Variants in NCAM2 observed in about 807,000 individuals in gnomAD.
The protein encoded by NCAM2 is N-CAM-2.
NCAM2 carries 30 observed loss-of-function variants against 98.1 expected under a neutral mutation model. That is an observed-to-expected ratio of 0.31 (90% CI 0.23 to 0.41). The LOEUF (loss-of-function observed/expected upper bound fraction) is 0.41, where lower values mean the gene tolerates loss of function less well. Among genes scored for constraint, NCAM2 ranks in the 10% least tolerant of loss-of-function variants. The pLI is 1.00. For missense variants in NCAM2, 867 were observed against 1,005.8 expected (o/e 0.86, Z 1.87); for synonymous variants, 368 against 342.4 (o/e 1.07, Z -0.83).
At chr21:21,277,960 G>A (rs1010308902) in intron 1 of NCAM2, among the ~76,000 whole-genome samples, 3 of 152,082 alleles carry the variant, frequency 2.0e-5, no homozygotes, top group African/African-American at 4.8e-5. Flanking sequence ...ACAGTGAACC[G>A]TGAGCAAATT....
chr21:21,540,278 T>C lies in NCAM2; in HGVS notation c.*2321T>C, dbSNP rs534048529. On this transcript the variant is annotated 3_prime_UTR_variant, in exon 18 of 18. Coordinates refer to ENST00000400546, the MANE Select transcript of NCAM2 (RefSeq NM_004540.5). Reference sequence around the variant, plus strand: ...TCATATATATATACACATATATATATATACACATATATATACATATATATA... The same window carrying C: ...TCATATATATATACACATATATATACATACACATATATATACATATATATA... 1 of 114,390 alleles carries C rather than the reference T, an allele frequency of 8.7e-6. No individual in the cohort carries two copies. The highest frequency in any genetic ancestry group is 1.9e-5 in the Non-Finnish European group (1 of 53,074). 7.1% of individuals were successfully genotyped at this position (114,390 alleles called of 1,614,324 possible). A position where few individuals can be genotyped will look rare whatever the true frequency, so the allele number is the denominator to read the frequency against.
At chr21:21,309,137 T>A (rs1448631086) in intron 5 of NCAM2, among the ~76,000 whole-genome samples, 2 of 152,198 alleles carry the variant, frequency 1.3e-5, no homozygotes, top group Admixed American at 1.3e-4. Context: ...TATTGTGTAC[T>A]ATCATCTGTT....
At chr21:21,322,096 T>C (rs1280634058) in intron 5 of NCAM2, among the ~76,000 whole-genome samples, 2 of 152,138 alleles carry the variant, frequency 1.3e-5, no homozygotes, top group Non-Finnish European at 2.9e-5. Flanking sequence ...TAAAATGCAG[T>C]ACCTATACAC....
At chr21:21,351,659 T>C (rs1367153459) in intron 8 of NCAM2, among the ~76,000 whole-genome samples, 1 of 152,208 alleles carries the variant, frequency 6.6e-6, no homozygotes, top group African/African-American at 2.4e-5. Flanking sequence ...TGTTTTAACA[T>C]AATTTTGTCA....
At chr21:21,129,105 A>G (rs1308116021) in intron 1 of NCAM2, among the ~76,000 whole-genome samples, 4 of 152,174 alleles carry the variant, frequency 2.6e-5, no homozygotes, top group Non-Finnish European at 4.4e-5. Flanking sequence ...AAACGTATAA[A>G]TTTGCATGTA....
At chr21:21,441,360 A>G (rs1325352079) in intron 12 of NCAM2, among the ~76,000 whole-genome samples, 1 of 152,214 alleles carries the variant, frequency 6.6e-6, no homozygotes, top group Middle Eastern at 3.2e-3. Context: ...TCACTTCAAA[A>G]TGATGATTAT....
intron 5 of NCAM2, among the ~76,000 whole-genome samples, chr21:21,315,235 CTT>C (rs2074185701): frequency 6.6e-6 from 1 of 152,076 alleles, no homozygotes. Context: ...GGAGGTTTAC[CTT>C]TTAGTTAAAT....
chr21:21,044,406 A>C lies in NCAM2; in HGVS notation c.55+45788A>C, dbSNP rs566536489. Among the ~76,000 whole-genome samples the C allele has an allele frequency of 4.6e-5, 7 of 152,294 alleles. No individual in the cohort carries two copies. The South Asian group carries it at 1.5e-3, about 32-fold the overall frequency. On this transcript the variant is annotated intron_variant, in intron 1 of 17. Transcript: ENST00000400546. ...CAACAGAAGAGTAGGGTTTTTAATA[A>C]ATGGTTCCTCTTTGCTGCAATATTT...
intron 16 of NCAM2, among the ~76,000 whole-genome samples, chr21:21,524,773 A>T (rs931499140): frequency 6.6e-6 from 1 of 152,144 alleles, no homozygotes; most frequent in East Asian, 1.9e-4. Flanking sequence ...GTCATATGAC[A>T]CACTTTAAAA....
At chr21:21,147,358 TTAGAG>T (rs1372215940) in intron 1 of NCAM2, 2 of 912,100 alleles carry the variant, frequency 2.2e-6, no homozygotes, top group African/African-American at 1.8e-5. Context: ...CAGTTGAAAT[TTAGAG>T]TAGAAGGAAA....
chr21:21,256,271 A>C (rs552267217), intron 1 of NCAM2, among the ~76,000 whole-genome samples: 196 of 152,214 alleles, frequency 1.3e-3, no homozygotes, highest in Non-Finnish European at 2.2e-3. Flanking sequence ...CAGGAGACTC[A>C]CTTGAACCTG....
At chr21:21,284,818 G>A (rs779924087) in intron 3 of NCAM2, among the ~76,000 whole-genome samples, 5 of 151,406 alleles carry the variant, frequency 3.3e-5, no homozygotes. Flanking sequence ...GTGAACAAGA[G>A]TAGTCAGAAA....
chr21:21,409,866 T>C (rs573319848), intron 9 of NCAM2, among the ~76,000 whole-genome samples: 11 of 152,308 alleles, frequency 7.2e-5, no homozygotes, highest in African/African-American at 2.6e-4. Flanking sequence ...ATTCCAGCAC[T>C]TTGGGAGTCT....
chr21:21,170,921 G>T (rs2068102176), intron 1 of NCAM2, among the ~76,000 whole-genome samples: 1 of 150,100 alleles, frequency 6.7e-6, no homozygotes, highest in South Asian at 2.2e-4. Context: ...ACTTGAAACA[G>T]CTCTGAAAAA....
intron 12 of NCAM2, among the ~76,000 whole-genome samples, chr21:21,436,948 AT>A (rs1978441972): frequency 1.3e-5 from 2 of 150,496 alleles, no homozygotes; most frequent in East Asian, 3.9e-4. Flanking sequence ...TTATTTTTGT[AT>A]TTTTTAGTAA....
chr21:21,371,219 T>A (rs2075907351), intron 8 of NCAM2, among the ~76,000 whole-genome samples: 1 of 151,848 alleles, frequency 6.6e-6, no homozygotes, highest in African/African-American at 2.4e-5. Context: ...CTGTAGAAAC[T>A]GGTGGATTTG....
chr21:21,523,623 G>A (rs1989155807), intron 16 of NCAM2, among the ~76,000 whole-genome samples: 1 of 151,808 alleles, frequency 6.6e-6, no homozygotes, highest in South Asian at 2.1e-4. Context: ...TAAATGAATG[G>A]TAACAATGAT....
At chr21:21,133,120 A>T (rs2066970188) in intron 1 of NCAM2, among the ~76,000 whole-genome samples, 1 of 152,230 alleles carries the variant, frequency 6.6e-6, no homozygotes, top group Non-Finnish European at 1.5e-5. Context: ...TTTATACAAC[A>T]TTCCATTGCT....
At chr21:21,024,729 GA>G (rs373924951) in intron 1 of NCAM2, among the ~76,000 whole-genome samples, 2 of 151,532 alleles carry the variant, frequency 1.3e-5, no homozygotes, top group African/African-American at 4.8e-5. Context: ...TACAGAAAAA[GA>G]AAAAAAATTA....
Sources: allele counts gnomAD v4.1 joint callset (sites outside exome capture counted in the v4.1 genomes callset), GRCh38; gene constraint gnomAD v4.1.1; transcripts MANE v1.5; gene names NCBI Gene and HGNC (gene_info 2026-07-23, HGNC 2026-07-21).